Variants in SUGCT observed in about 807,000 individuals in gnomAD.
SUGCT encodes the protein succinyl-CoA:glutarate-CoA transferase.
SUGCT carries 41 observed loss-of-function variants against 55.0 expected under a neutral mutation model. The observed-to-expected ratio is 0.74, with a 90% CI of 0.58 to 0.97. The LOEUF (loss-of-function observed/expected upper bound fraction) is 0.97, where lower values mean the gene tolerates loss of function less well. Ranked by LOEUF, SUGCT falls within the 50% of genes least tolerant of loss-of-function variation. The probability of loss-of-function intolerance (pLI) is 0.00; values close to 1 mark genes in which losing one functional copy is unlikely to be tolerated. For synonymous variants in SUGCT, 187 were observed against 200.4 expected (o/e 0.93, Z 0.56); for missense variants, 568 against 547.8 (o/e 1.04, Z -0.37).
intron 13 of SUGCT, among the ~76,000 whole-genome samples, chr7:40,858,658 T>C (rs1300648346): frequency 6.6e-6 from 1 of 152,160 alleles, no homozygotes; most frequent in Non-Finnish European, 1.5e-5. Context: ...ACCATCACAT[T>C]ATTGTCATTC....
intron 8 of SUGCT, among the ~76,000 whole-genome samples, chr7:40,286,228 C>T (rs1793329372): frequency 6.6e-6 from 1 of 152,102 alleles, no homozygotes; most frequent in Non-Finnish European, 1.5e-5. Context: ...AATAAATGTA[C>T]ATTAGGAAAC....
intron 12 of SUGCT, among the ~76,000 whole-genome samples, chr7:40,510,481 G>T (rs1792862859): frequency 6.6e-6 from 1 of 152,062 alleles, no homozygotes; most frequent in Admixed American, 6.6e-5. Flanking sequence ...GCATTGGTCG[G>T]GGTGAGGGAG....
intron 8 of SUGCT, among the ~76,000 whole-genome samples, chr7:40,287,532 C>T (rs1793432920): frequency 6.7e-6 from 1 of 148,768 alleles, no homozygotes; most frequent in Admixed American, 6.7e-5. Context: ...AGGTCTCTGT[C>T]TGTCACGCAG....
At chr7:40,271,476 T>C in intron 7 of SUGCT, among the ~76,000 whole-genome samples, 1 of 152,174 alleles carries the variant, frequency 6.6e-6, no homozygotes, top group East Asian at 1.9e-4. Context: ...TCTTTACTTT[T>C]AAGTGTGATC....
chr7:40,940,716 GT>G, the SUGCT span, among the ~76,000 whole-genome samples: 780 of 152,134 alleles, frequency 5.1e-3, 5 homozygotes, highest in African/African-American at 0.018. Context: ...CTACTGGTTT[GT>G]ATACGTTGAT....
the SUGCT span, among the ~76,000 whole-genome samples, chr7:40,918,248 G>T: frequency 1.3e-5 from 2 of 152,052 alleles, no homozygotes; most frequent in African/African-American, 4.8e-5. Flanking sequence ...GGATCACGAG[G>T]TCAGGAGTTT....
At chr7:40,338,237 T>C (rs1264699922) in intron 9 of SUGCT, among the ~76,000 whole-genome samples, 1 of 152,130 alleles carries the variant, frequency 6.6e-6, no homozygotes, top group Non-Finnish European at 1.5e-5. Context: ...TTGGAGTGCT[T>C]TTCTCGAGGA....
intron 1 of SUGCT, among the ~76,000 whole-genome samples, chr7:40,173,722 A>G (rs1019756151): frequency 1.3e-5 from 2 of 152,138 alleles, no homozygotes; most frequent in East Asian, 3.9e-4. Context: ...AGTCTTAGGA[A>G]TTCTTAGTTG....
intron 13 of SUGCT, among the ~76,000 whole-genome samples, chr7:40,754,721 T>C (rs532241144): frequency 7.2e-5 from 11 of 152,334 alleles, no homozygotes; most frequent in African/African-American, 2.6e-4. Context: ...AGTGTGTAAC[T>C]AAGTACAAAA....
chr7:40,573,302 G>A (rs1010534030), intron 12 of SUGCT, among the ~76,000 whole-genome samples: 3 of 152,140 alleles, frequency 2.0e-5, no homozygotes, highest in Non-Finnish European at 2.9e-5. Context: ...TTAGATTGTC[G>A]TCATGTTACT....
intron 6 of SUGCT, among the ~76,000 whole-genome samples, chr7:40,219,712 CAAAAT>C (rs1787916911): frequency 6.6e-6 from 1 of 151,430 alleles, no homozygotes; most frequent in African/African-American, 2.4e-5. Context: ...ATTAAACAGA[CAAAAT>C]AAAATACGAA....
At chr7:40,835,460 C>T (rs1425441201) in intron 13 of SUGCT, among the ~76,000 whole-genome samples, 1 of 152,142 alleles carries the variant, frequency 6.6e-6, no homozygotes, top group Non-Finnish European at 1.5e-5. Flanking sequence ...CTATTTCTTA[C>T]ATGTTGAAAT....
chr7:40,244,241 G>A (rs769158893), intron 7 of SUGCT, among the ~76,000 whole-genome samples: 3 of 152,114 alleles, frequency 2.0e-5, no homozygotes, highest in African/African-American at 4.8e-5. Context: ...TTAAGGAAGC[G>A]GTGGGACTTG....
intron 11 of SUGCT, among the ~76,000 whole-genome samples, chr7:40,490,870 C>T (rs935125227): frequency 2.6e-5 from 4 of 152,090 alleles, no homozygotes; most frequent in African/African-American, 7.2e-5. Flanking sequence ...GCAAGACATA[C>T]AGAATTTAGG....
intron 13 of SUGCT, among the ~76,000 whole-genome samples, chr7:40,792,222 G>T (rs1050065579): frequency 1.3e-5 from 2 of 152,102 alleles, no homozygotes; most frequent in East Asian, 1.9e-4. Context: ...CGCCTGTGTC[G>T]TAGAACAGGA....
At chr7:40,969,302 C>A in the SUGCT span, among the ~76,000 whole-genome samples, 1 of 152,158 alleles carries the variant, frequency 6.6e-6, no homozygotes, top group African/African-American at 2.4e-5. Context: ...AAGATTATTT[C>A]AAATTTACGT....
intron 12 of SUGCT, among the ~76,000 whole-genome samples, chr7:40,526,775 T>G (rs751170725): frequency 1.3e-5 from 2 of 152,228 alleles, no homozygotes; most frequent in Admixed American, 6.5e-5. Flanking sequence ...ATTTCATTAT[T>G]CTACTTTCTT....
intron 13 of SUGCT, among the ~76,000 whole-genome samples, chr7:40,842,589 G>T (rs1446102184): frequency 6.6e-6 from 1 of 151,968 alleles, no homozygotes; most frequent in Non-Finnish European, 1.5e-5. Flanking sequence ...TCATTTATTT[G>T]TTCATTTAAC....
At chr7:40,220,053 T>G (rs1360613927) in intron 6 of SUGCT, among the ~76,000 whole-genome samples, 4 of 152,204 alleles carry the variant, frequency 2.6e-5, no homozygotes, top group Non-Finnish European at 5.9e-5. Context: ...GACACATGAT[T>G]TATCATTTAA....
Sources: allele counts gnomAD v4.1 joint callset (sites outside exome capture counted in the v4.1 genomes callset), GRCh38; gene constraint gnomAD v4.1.1; transcripts MANE v1.5; gene names NCBI Gene and HGNC (gene_info 2026-07-23, HGNC 2026-07-21).